TRAPPC9: variants seen among roughly 807,000 people sequenced by gnomAD.
TRAPPC9 encodes IKK2 binding protein.
In TRAPPC9, 83 loss-of-function variants were observed where a neutral mutation model predicts 124.0. The ratio of observed to expected loss-of-function variants is 0.67; its 90% CI spans 0.56 to 0.80. TRAPPC9 has a LOEUF of 0.80. Ranked by LOEUF, TRAPPC9 falls within the 30% of genes least tolerant of loss-of-function variation. TRAPPC9 has a pLI of 0.00. For synonymous variants in TRAPPC9, 638 were observed against 617.5 expected, an observed-to-expected ratio of 1.03 and a Z score of -0.49; for missense variants, 1,302 against 1,508.3, an observed-to-expected ratio of 0.86 and a Z score of 2.27.
rs2131262349 is a variant in TRAPPC9 at position 139,907,859 on chromosome 8, C to T, written c.2964+2288G>A. ...TCATCCCATTAGAAGGCAGCATGTG[C>T]TGGGCGGGGACTGCAGGCTGGCAGA... On this transcript the variant is annotated intron_variant, in intron 20 of 22. Coordinates refer to ENST00000438773, the MANE Select transcript of TRAPPC9 (RefSeq NM_001160372.4). This position sits in a 1 kb window ranked among gnomAD's most constrained non-coding sequence, Gnocchi z 4.7. Among the ~76,000 whole-genome samples the T allele has an allele frequency of 6.6e-6, 1 of 152,342 alleles. No homozygotes were observed. The highest frequency in any genetic ancestry group is 2.4e-5 in the African/African-American group (1 of 41,574).
chr8:140,118,313 A>G (rs936898622), intron 17 of TRAPPC9, among the ~76,000 whole-genome samples: 5 of 152,236 alleles, frequency 3.3e-5, no homozygotes, highest in Admixed American at 3.3e-4. Context: ...CCCAGAATAT[A>G]GGTAGCGCCT....
intron 21 of TRAPPC9, among the ~76,000 whole-genome samples, chr8:139,817,834 AACAG>A (rs1388213233): frequency 3.3e-5 from 5 of 152,188 alleles, no homozygotes; most frequent in Non-Finnish European, 7.3e-5. Context: ...AGGCTATGGG[AACAG>A]ACAGAGCCAT....
chr8:140,272,105 G>GTCGTGGTGGCAATGGTGATAGTGATTA (rs374425473), intron 15 of TRAPPC9, among the ~76,000 whole-genome samples: 1,287 of 75,230 alleles, frequency 0.017, 21 homozygotes, highest in African/African-American at 0.068. Context: ...TGAGGTGATT[G>GTCGTGGTGGCAATGGTGATAGTGATTA]TGGTGGTGGC....
chr8:139,829,607 C>T (rs932459474), intron 21 of TRAPPC9, among the ~76,000 whole-genome samples: 2 of 152,182 alleles, frequency 1.3e-5, no homozygotes, highest in African/African-American at 2.4e-5. Flanking sequence ...TTGGGATGGG[C>T]GCTGTGGGAG....
chr8:140,292,510 T>G (rs188891394), intron 11 of TRAPPC9, among the ~76,000 whole-genome samples: 216 of 152,280 alleles, frequency 1.4e-3, no homozygotes, highest in Admixed American at 2.5e-3. Flanking sequence ...ATAAGCATGT[T>G]CTCAAGATAC....
intron 21 of TRAPPC9, among the ~76,000 whole-genome samples, chr8:139,774,867 C>T (rs1289994843): frequency 6.6e-6 from 1 of 152,230 alleles, no homozygotes; most frequent in East Asian, 1.9e-4. Context: ...CGATGTCACA[C>T]ACTTTTGGGA....
Position 140,229,999 on chromosome 8 carries a change from C to T in TRAPPC9, c.2432-8416G>A, listed in dbSNP as rs1029324506. Among the ~76,000 whole-genome samples the T allele has an allele frequency of 5.3e-5, 8 of 152,316 alleles. No individual in the cohort carries two copies. The South Asian group carries it at 1.2e-3, about 24-fold the overall frequency. On this transcript the variant is annotated intron_variant, in intron 16 of 22. Transcript: ENST00000438773. ...CCTTCTAGGGTCCCAGATAACTCCACATGGCAGTGCACACAGACAGACACT... is the reference window on the plus strand; with the variant it reads ...CCTTCTAGGGTCCCAGATAACTCCATATGGCAGTGCACACAGACAGACACT...
intron 17 of TRAPPC9, among the ~76,000 whole-genome samples, chr8:140,050,518 C>T (rs572311715): frequency 1.3e-5 from 2 of 152,076 alleles, no homozygotes; most frequent in East Asian, 1.9e-4. Context: ...TCCCTCAGTG[C>T]CCCCACCCCA....
rs1448968741 is a variant in TRAPPC9, at chr8:139,752,439, CCCAT to C, written c.3056-20241_3056-20238del. 4.0e-5 allele frequency among the ~76,000 whole-genome samples: 6 copies of C among 148,684 alleles called. No individual in the cohort carries two copies. In the East Asian group the frequency reaches 1.2e-3, roughly 31 times the overall value. On this transcript the variant is annotated intron_variant, in intron 21 of 22. Transcript: ENST00000438773. Reference sequence around the variant, plus strand: ...CATCCATCCATCCATCTAACATCTACCCATCCATCCATCCACCCATCTACCATCC... The same window carrying C: ...CATCCATCCATCCATCTAACATCTACCCATCCATCCACCCATCTACCATCC...
At chr8:140,043,910 T>C (rs1841418787) in intron 17 of TRAPPC9, among the ~76,000 whole-genome samples, 1 of 152,136 alleles carries the variant, frequency 6.6e-6, no homozygotes, top group Non-Finnish European at 1.5e-5. Flanking sequence ...GGGTGTGGCC[T>C]GCCCATGACT....
At chr8:140,269,485 G>A (rs1042877067) in intron 15 of TRAPPC9, among the ~76,000 whole-genome samples, 55 of 151,924 alleles carry the variant, frequency 3.6e-4, no homozygotes, top group African/African-American at 1.3e-3. Flanking sequence ...AGTTTGCAGT[G>A]AGCCAAGATC....
At chr8:139,890,390 C>T (rs1830263248) in intron 20 of TRAPPC9, among the ~76,000 whole-genome samples, 1 of 152,246 alleles carries the variant, frequency 6.6e-6, no homozygotes, top group Non-Finnish European at 1.5e-5. Flanking sequence ...GCACTCTTCT[C>T]AGGAGAAACA....
At chr8:139,991,019 A>G (rs1837607451) in intron 18 of TRAPPC9, among the ~76,000 whole-genome samples, 1 of 152,194 alleles carries the variant, frequency 6.6e-6, no homozygotes, top group Admixed American at 6.5e-5. Context: ...CTTGGAAAAC[A>G]TTCATTAGCT....
chr8:139,759,654 A>G (rs1287996621), intron 21 of TRAPPC9, among the ~76,000 whole-genome samples: 3 of 152,210 alleles, frequency 2.0e-5, no homozygotes, highest in Non-Finnish European at 4.4e-5. Context: ...GCCAAGGAGC[A>G]TTCTGAAAGG....
chr8:140,422,802 G>T (rs907030170), intron 5 of TRAPPC9, among the ~76,000 whole-genome samples: 1 of 141,314 alleles, frequency 7.1e-6, no homozygotes, highest in Non-Finnish European at 1.6e-5. Context: ...AAGACAAAAA[G>T]ACAACCCAAT....
intron 2 of TRAPPC9, among the ~76,000 whole-genome samples, chr8:140,448,066 A>ATTCTTGAT: frequency 6.7e-6 from 1 of 150,064 alleles, no homozygotes; most frequent in South Asian, 2.1e-4. Context: ...GAATCGCTTG[A>ATTCTTGAT]GCCCAGGAGG....
chr8:140,293,109 A>G (rs569421877), intron 11 of TRAPPC9, among the ~76,000 whole-genome samples: 14 of 148,720 alleles, frequency 9.4e-5, no homozygotes, highest in Admixed American at 9.2e-4. Context: ...AAAACACATG[A>G]AAAAATGCTC....
intron 21 of TRAPPC9, among the ~76,000 whole-genome samples, chr8:139,833,424 C>A (rs920220352): frequency 4.6e-5 from 7 of 152,262 alleles, no homozygotes; most frequent in African/African-American, 1.7e-4. Flanking sequence ...CTTTCCCACA[C>A]AGGCCCACCC....
chr8:139,808,900 C>T (rs1007544269), intron 21 of TRAPPC9, among the ~76,000 whole-genome samples: 58 of 152,264 alleles, frequency 3.8e-4, no homozygotes, highest in Non-Finnish European at 2.2e-4. Flanking sequence ...GCTATTTTCA[C>T]GTTTTGCTTT....
Sources: allele counts gnomAD v4.1 joint callset (sites outside exome capture counted in the v4.1 genomes callset), GRCh38; gene constraint gnomAD v4.1.1; non-coding constraint Gnocchi (gnomAD v3.1); transcripts MANE v1.5; gene names NCBI Gene and HGNC (gene_info 2026-07-23, HGNC 2026-07-21).